Variants in RSPO2 observed in about 807,000 individuals in gnomAD.
RSPO2 encodes R-spondin 2, also known as R-spondin-2.
RSPO2 carries 14 observed loss-of-function variants against 30.9 expected under a neutral mutation model. That is an observed-to-expected ratio of 0.45 (90% CI 0.30 to 0.71). RSPO2 has a LOEUF of 0.71. Among genes scored for constraint, RSPO2 ranks in the 30% least tolerant of loss-of-function variants. The pLI is 0.08. For synonymous variants in RSPO2, 107 were observed against 96.4 expected (o/e 1.11, Z -0.64); for missense variants, 264 against 301.9 (o/e 0.87, Z 0.93).
At chr8:107,941,629 C>G (rs1812899513) in intron 5 of RSPO2, among the ~76,000 whole-genome samples, 2 of 151,998 alleles carry the variant, frequency 1.3e-5, no homozygotes, top group African/African-American at 4.8e-5. Flanking sequence ...TATAAGAGAC[C>G]ACTCTGACCA....
intron 5 of RSPO2, among the ~76,000 whole-genome samples, chr8:107,936,063 T>C (rs920725479): frequency 6.6e-6 from 1 of 152,136 alleles, no homozygotes; most frequent in African/African-American, 2.4e-5. Context: ...CCTATGTATA[T>C]TTTTATACCC....
intron 2 of RSPO2, among the ~76,000 whole-genome samples, chr8:108,054,222 A>G (rs1250900578): frequency 6.6e-6 from 1 of 152,152 alleles, no homozygotes; most frequent in African/African-American, 2.4e-5. Context: ...TCTTAGAGGG[A>G]CAAACCTCAA....
At chr8:108,062,052 T>G (rs1325105247) in intron 2 of RSPO2, among the ~76,000 whole-genome samples, 1 of 151,764 alleles carries the variant, frequency 6.6e-6, no homozygotes, top group Admixed American at 6.6e-5. Context: ...AGAGGGAAAC[T>G]TATAGCACTA....
chr8:108,009,310 C>G lies in RSPO2; in HGVS notation c.95-20066G>C, dbSNP rs1279179162. Among the ~76,000 whole-genome samples the G allele has an allele frequency of 2.0e-5, 3 of 152,100 alleles. No individual in the cohort carries two copies. In the South Asian group the frequency reaches 6.2e-4, roughly 32 times the overall value. On this transcript the variant is annotated intron_variant, in intron 2 of 5. Transcript: ENST00000276659. Reference sequence around the variant, plus strand: ...AAAGAATTGGATAAATGCAGAAATACATACAATTTATATCACAGCATTTGC... The same window carrying G: ...AAAGAATTGGATAAATGCAGAAATAGATACAATTTATATCACAGCATTTGC...
At chr8:107,913,010 A>C (rs573373607) in intron 5 of RSPO2, among the ~76,000 whole-genome samples, 2 of 152,340 alleles carry the variant, frequency 1.3e-5, no homozygotes, top group East Asian at 3.9e-4. Flanking sequence ...TAAGAGCTGC[A>C]CATATTTTCA....
chr8:108,034,195 GT>G (rs34096899), intron 2 of RSPO2, among the ~76,000 whole-genome samples: 8 of 151,950 alleles, frequency 5.3e-5, no homozygotes, highest in Admixed American at 1.3e-4. Flanking sequence ...GGTTCTGGGG[GT>G]TTTTTTTCCC....
chr8:107,997,961 C>A (rs562031847), intron 2 of RSPO2, among the ~76,000 whole-genome samples: 53 of 152,248 alleles, frequency 3.5e-4, no homozygotes, highest in African/African-American at 1.3e-3. Flanking sequence ...ATCTGAATTC[C>A]TTCTAGGTGA....
At chr8:107,920,041 TCTCC>T (rs1399490614) in intron 5 of RSPO2, among the ~76,000 whole-genome samples, 1 of 151,814 alleles carries the variant, frequency 6.6e-6, no homozygotes, top group Non-Finnish European at 1.5e-5. Context: ...GCAAGACTTA[TCTCC>T]CTCCAAGTTC....
chr8:107,920,409 T>C (rs919995986), intron 5 of RSPO2, among the ~76,000 whole-genome samples: 4 of 152,060 alleles, frequency 2.6e-5, no homozygotes, highest in African/African-American at 4.8e-5. Flanking sequence ...GTTTCTATAA[T>C]GCCAACTCCA....
intron 3 of RSPO2, among the ~76,000 whole-genome samples, chr8:107,981,849 C>G (rs1256131106): frequency 6.6e-6 from 1 of 151,308 alleles, no homozygotes; most frequent in Non-Finnish European, 1.5e-5. Flanking sequence ...AAATAAATAA[C>G]AGCCAGGCAT....
intron 3 of RSPO2, among the ~76,000 whole-genome samples, chr8:107,979,109 G>T (rs953474891): frequency 6.6e-6 from 1 of 152,174 alleles, no homozygotes; most frequent in Non-Finnish European, 1.5e-5. Context: ...CAACCATTGT[G>T]GAAGTCAGTG....
intron 2 of RSPO2, among the ~76,000 whole-genome samples, chr8:108,040,032 A>C (rs750249287): frequency 6.6e-6 from 1 of 152,168 alleles, no homozygotes; most frequent in Non-Finnish European, 1.5e-5. Flanking sequence ...GAATTGTAAG[A>C]AATAAGTTTC....
chr8:107,952,919 G>T (rs1813303040), intron 5 of RSPO2, among the ~76,000 whole-genome samples: 2 of 152,208 alleles, frequency 1.3e-5, no homozygotes, highest in Admixed American at 6.5e-5. Flanking sequence ...AAGAAAGAAA[G>T]AATACCCTAA....
intron 2 of RSPO2, among the ~76,000 whole-genome samples, chr8:108,060,205 A>C (rs1191773518): frequency 6.6e-6 from 1 of 151,716 alleles, no homozygotes; most frequent in East Asian, 1.9e-4. Context: ...ACTAGTTGAG[A>C]GAAGAAGGCT....
chr8:107,906,288 T>C (rs1811637894), intron 5 of RSPO2, among the ~76,000 whole-genome samples: 1 of 151,890 alleles, frequency 6.6e-6, no homozygotes, highest in Non-Finnish European at 1.5e-5. Context: ...TTTCATGACC[T>C]CTTCTTTTTG....
chr8:108,053,998 A>T (rs1391846550), intron 2 of RSPO2, among the ~76,000 whole-genome samples: 1 of 152,150 alleles, frequency 6.6e-6, no homozygotes, highest in African/African-American at 2.4e-5. Flanking sequence ...TTTCCTATGT[A>T]TATCATTATT....
chr8:107,903,924 C>G (rs1048607944), intron 5 of RSPO2, among the ~76,000 whole-genome samples: 2 of 152,044 alleles, frequency 1.3e-5, no homozygotes, highest in African/African-American at 4.8e-5. Flanking sequence ...GTTCTGACTT[C>G]AAGCCCAGCT....
At chr8:108,012,121 A>G (rs1313256261) in intron 2 of RSPO2, among the ~76,000 whole-genome samples, 2 of 152,234 alleles carry the variant, frequency 1.3e-5, no homozygotes, top group African/African-American at 2.4e-5. Flanking sequence ...GCTCATATAA[A>G]TAATTTGTTT....
At chr8:108,048,752 T>A (rs1196488079) in intron 2 of RSPO2, among the ~76,000 whole-genome samples, 1 of 152,186 alleles carries the variant, frequency 6.6e-6, no homozygotes, top group East Asian at 1.9e-4. Flanking sequence ...TTCTTTTAAT[T>A]GTGATGTTAG....
Sources: allele counts gnomAD v4.1 joint callset (sites outside exome capture counted in the v4.1 genomes callset), GRCh38; gene constraint gnomAD v4.1.1; transcripts MANE v1.5; gene names NCBI Gene and HGNC (gene_info 2026-07-23, HGNC 2026-07-21).